Variants in EGF observed in about 807,000 individuals in gnomAD.
EGF encodes the protein pro-epidermal growth factor.
EGF carries 95 observed loss-of-function variants against 143.8 expected under a neutral mutation model. The observed-to-expected ratio is 0.66, with a 90% CI of 0.56 to 0.78. The LOEUF is 0.78. Among genes scored for constraint, EGF ranks in the 30% least tolerant of loss-of-function variants. EGF has a pLI of 0.00. For synonymous variants in EGF, 510 were observed against 510.5 expected, an observed-to-expected ratio of 1.00 and a Z score of 0.01; for missense variants, 1,320 against 1,470.9, an observed-to-expected ratio of 0.90 and a Z score of 1.68.
chr4:109,974,512 T>C (rs1330186669), intron 11 of EGF, among the ~76,000 whole-genome samples, 191 bp from the exon 12 acceptor site: 1 of 152,128 alleles, frequency 6.6e-6, no homozygotes, highest in Non-Finnish European at 1.5e-5. Flanking sequence ...AATATAAAAT[T>C]TGTGGGCTTA....
At chr4:109,969,167 G>C in intron 11 of EGF, 48 bp downstream of exon 11, 2 of 1,611,288 alleles carry the variant, frequency 1.2e-6, no homozygotes, top group Non-Finnish European at 1.7e-6. Flanking sequence ...GGAGTGATGG[G>C]ATAGGTAATA....
At chr4:109,954,442 T>A (rs1268700543) in intron 5 of EGF, among the ~76,000 whole-genome samples, 1 of 152,350 alleles carries the variant, frequency 6.6e-6, no homozygotes, top group East Asian at 1.9e-4. Flanking sequence ...ACCAAGTGGC[T>A]AAATTCTGGC....
At chr4:109,960,778 T>A in intron 6 of EGF, 89 bp from the exon 7 acceptor site, 1 of 1,469,466 alleles carries the variant, frequency 6.8e-7, no homozygotes, top group East Asian at 2.3e-5. Flanking sequence ...AAGTGTGAGA[T>A]ACCCTGCGTT....
At chr4:109,979,429 G>C (rs1748988727) in intron 13 of EGF, among the ~76,000 whole-genome samples, 1 of 152,060 alleles carries the variant, frequency 6.6e-6, no homozygotes, top group Non-Finnish European at 1.5e-5. Flanking sequence ...TAAATAAGGA[G>C]AGAGGGGAAA....
rs1242249905 is a variant in EGF, at chr4:109,927,491, G to A, written c.128-13455G>A. On this transcript the variant is annotated intron_variant, in intron 1 of 23. Transcript: ENST00000265171. ...TGTAATCCTAGCACTTTGAGAGGCCGAGGCAGGCGGATCACGAGGTCAGGA... is the reference window on the plus strand; with the variant it reads ...TGTAATCCTAGCACTTTGAGAGGCCAAGGCAGGCGGATCACGAGGTCAGGA... Among the ~76,000 whole-genome samples, 3 of 152,120 alleles carry A rather than the reference G, an allele frequency of 2.0e-5. No individual in the cohort carries two copies. The East Asian group carries it at 5.8e-4, about 30-fold the overall frequency.
At chr4:110,002,204 G>C (rs1752655833) in intron 21 of EGF, among the ~76,000 whole-genome samples, 1 of 152,092 alleles carries the variant, frequency 6.6e-6, no homozygotes, top group South Asian at 2.1e-4. Flanking sequence ...AGGATTAATT[G>C]TTTGTGTGCT....
rs922585218 is a variant in EGF, at chr4:109,980,896, G to C, written c.2292G>C (p.Trp764Cys). ...GCAAAAAGAGGCTTGGAACTGCTTG[G>C]TGTTCGTGTCGTGAAGGTTTTATGA... The part of the protein sequence containing the change: ...HICKKRLGTA[W>C]CSCREGFMKA... The change falls in exon 15 of 24, where the codon TGG becomes TGC. Residue 764 changes from tryptophan (W) to cysteine (C), a missense_variant. Trp to Cys is a radical substitution (Grantham distance 215). Coordinates refer to ENST00000265171, the MANE Select transcript of EGF (RefSeq NM_001963.6). 1 of 1,614,110 alleles carries C rather than the reference G, an allele frequency of 6.2e-7. No homozygotes were observed. Among genetic ancestry groups the C allele is most frequent in the Non-Finnish European group, 8.5e-7 (1 of 1,179,994 alleles).
intron 1 of EGF, among the ~76,000 whole-genome samples, chr4:109,918,384 G>C (rs543754822): frequency 1.3e-5 from 2 of 152,084 alleles, no homozygotes; most frequent in African/African-American, 2.4e-5. Flanking sequence ...GGAGTGGAAG[G>C]CCAGATGATG....
intron 11 of EGF, 132 bp from the exon 12 acceptor site, chr4:109,974,571 A>G: frequency 2.9e-6 from 2 of 686,170 alleles, no homozygotes; most frequent in Non-Finnish European, 5.2e-6. Context: ...AGTAAGAGAT[A>G]GGGAGAGAGA....
chr4:109,953,094 T>C (rs562677067), intron 5 of EGF, among the ~76,000 whole-genome samples: 2 of 152,326 alleles, frequency 1.3e-5, no homozygotes, highest in East Asian at 3.9e-4. Flanking sequence ...AGTTTAGGCT[T>C]AGAAATCTGA....
intron 6 of EGF, among the ~76,000 whole-genome samples, chr4:109,959,936 G>A: frequency 6.6e-6 from 1 of 152,190 alleles, no homozygotes; most frequent in East Asian, 1.9e-4. Flanking sequence ...AACGAACTCA[G>A]GAGAAATACT....
At chr4:110,003,325 T>C (rs1038286614) in intron 21 of EGF, among the ~76,000 whole-genome samples, 2 of 152,100 alleles carry the variant, frequency 1.3e-5, no homozygotes, top group Non-Finnish European at 2.9e-5. Flanking sequence ...CATGAGCATC[T>C]TTTTTTTCTT....
At chr4:110,000,894 A>G (rs1222852956) in intron 21 of EGF, among the ~76,000 whole-genome samples, 1 of 152,228 alleles carries the variant, frequency 6.6e-6, no homozygotes, top group African/African-American at 2.4e-5. Context: ...CACTTGACTA[A>G]TAGGTCCCAA....
At chr4:109,913,539 C>T in intron 1 of EGF, 77 bp downstream of exon 1, 1 of 1,574,376 alleles carries the variant, frequency 6.4e-7, no homozygotes, top group Non-Finnish European at 8.6e-7. Flanking sequence ...ATCTGGTATA[C>T]TTGGGCATTT....
intron 11 of EGF, among the ~76,000 whole-genome samples, chr4:109,970,670 C>CA (rs1331423965): frequency 5.3e-5 from 8 of 151,752 alleles, no homozygotes; most frequent in Admixed American, 1.3e-4. Flanking sequence ...ACTAAAAATA[C>CA]AAAAAATTAG....
At chr4:109,930,748 T>C (rs557844041) in intron 1 of EGF, among the ~76,000 whole-genome samples, 1 of 152,352 alleles carries the variant, frequency 6.6e-6, no homozygotes, top group Non-Finnish European at 1.5e-5. Context: ...GTGTGTGTTA[T>C]AAAATGTTCT....
At chr4:109,949,634 A>C (rs1249759186) in intron 5 of EGF, among the ~76,000 whole-genome samples, 1 of 139,774 alleles carries the variant, frequency 7.2e-6, no homozygotes. Context: ...TTTTTTTTTG[A>C]GCTCTAGACA....
intron 21 of EGF, 63 bp downstream of exon 21, chr4:109,999,909 T>C (rs1238936450): frequency 1.0e-5 from 16 of 1,605,384 alleles, no homozygotes; most frequent in Non-Finnish European, 1.4e-5. Context: ...GGAATGCCTG[T>C]CTCCTTGAGA....
chr4:109,925,943 T>C (rs1309098242), intron 1 of EGF, among the ~76,000 whole-genome samples: 1 of 152,232 alleles, frequency 6.6e-6, no homozygotes, highest in Admixed American at 6.5e-5. Context: ...TCAAGCATTA[T>C]GGAACATCAT....
Sources: gnomAD v4.1 joint callset for allele counts (sites outside exome capture counted in the v4.1 genomes callset) on GRCh38, gnomAD v4.1.1 for gene constraint, MANE v1.5 for transcripts, NCBI Gene and HGNC (gene_info 2026-07-23, HGNC 2026-07-21) for gene names.